Variants in FSTL5 observed in about 807,000 individuals in gnomAD.
FSTL5 encodes follistatin like 5, also known as follistatin-related protein 5.
A neutral mutation model predicts 89.1 loss-of-function variants in FSTL5; 62 were observed. The observed-to-expected ratio is 0.70, with a 90% CI of 0.57 to 0.86. The LOEUF is 0.86. FSTL5 is among the 40% of genes least tolerant of loss of function. FSTL5 has a pLI of 0.00. For missense variants in FSTL5, 1,057 were observed against 1,001.6 expected, an observed-to-expected ratio of 1.06 and a Z score of -0.75; for synonymous variants, 383 against 346.2, an observed-to-expected ratio of 1.11 and a Z score of -1.18.
intron 12 of FSTL5, among the ~76,000 whole-genome samples, chr4:161,482,894 T>A (rs552373739): frequency 1.8e-4 from 27 of 151,278 alleles, no homozygotes; most frequent in African/African-American, 5.9e-4. Context: ...ACAATAGTGT[T>A]CTCTTCTAAA....
intron 4 of FSTL5, among the ~76,000 whole-genome samples, chr4:161,894,991 T>C (rs891657273): frequency 1.3e-5 from 2 of 152,234 alleles, no homozygotes; most frequent in Non-Finnish European, 2.9e-5. Flanking sequence ...CTACTTATTA[T>C]GTCTCAGGTA....
intron 13 of FSTL5, among the ~76,000 whole-genome samples, chr4:161,465,820 G>T (rs889772885): frequency 7.2e-5 from 11 of 152,124 alleles, no homozygotes; most frequent in African/African-American, 2.7e-4. Flanking sequence ...AAGAAAAGTT[G>T]TTCACACTGT....
At chr4:161,922,473 C>T (rs1734019015) in intron 3 of FSTL5, among the ~76,000 whole-genome samples, 1 of 151,808 alleles carries the variant, frequency 6.6e-6, no homozygotes, top group Non-Finnish European at 1.5e-5. Flanking sequence ...TGCAGTAGTT[C>T]TTGAATTTTG....
intron 1 of FSTL5, among the ~76,000 whole-genome samples, chr4:162,121,781 A>C (rs1263054178): frequency 6.6e-6 from 1 of 152,056 alleles, no homozygotes; most frequent in Admixed American, 6.5e-5. Context: ...ATTTATACAC[A>C]AATTTTCTTC....
At chr4:162,098,167 T>G (rs1730839723) in intron 2 of FSTL5, among the ~76,000 whole-genome samples, 1 of 151,992 alleles carries the variant, frequency 6.6e-6, no homozygotes, top group Non-Finnish European at 1.5e-5. Flanking sequence ...ATAATCAAAA[T>G]AGCATAGATG....
chr4:161,550,557 TTTTATTTA>T (rs35953683), intron 8 of FSTL5, among the ~76,000 whole-genome samples: 79,012 of 142,100 alleles, frequency 0.56, 21,645 homozygotes, highest in Middle Eastern at 0.64. Context: ...GTAACTTCTT[TTTTATTTA>T]TTTATTTATT....
At chr4:161,741,741 G>A (rs1014652733) in intron 6 of FSTL5, among the ~76,000 whole-genome samples, 1 of 144,696 alleles carries the variant, frequency 6.9e-6, no homozygotes, top group Non-Finnish European at 1.5e-5. Flanking sequence ...AGGCTGGAAC[G>A]CAGTGGCACG....
chr4:161,964,443 G>T (rs1189157561), intron 3 of FSTL5, among the ~76,000 whole-genome samples: 2 of 152,020 alleles, frequency 1.3e-5, no homozygotes, highest in African/African-American at 4.8e-5. Flanking sequence ...ATCACATAGT[G>T]CAATGAGGCT....
At chr4:161,568,028 C>G (rs1229165457) in intron 8 of FSTL5, among the ~76,000 whole-genome samples, 1 of 151,630 alleles carries the variant, frequency 6.6e-6, no homozygotes, top group East Asian at 1.9e-4. Context: ...ATTCTGCTCT[C>G]TTGGCAATAC....
chr4:161,515,203 G>A (rs930211433), intron 10 of FSTL5, among the ~76,000 whole-genome samples: 3 of 151,652 alleles, frequency 2.0e-5, no homozygotes, highest in Non-Finnish European at 4.4e-5. Flanking sequence ...CTTTTTGTTT[G>A]TTTCTTTGTT....
intron 1 of FSTL5, among the ~76,000 whole-genome samples, chr4:162,159,534 A>AT (rs1351898448): frequency 1.3e-5 from 2 of 152,182 alleles, no homozygotes; most frequent in East Asian, 3.9e-4. Context: ...TAATTACTTG[A>AT]TTTTAAACCA....
chr4:161,558,169 T>C (rs1178582223), intron 8 of FSTL5, among the ~76,000 whole-genome samples: 1 of 151,872 alleles, frequency 6.6e-6, no homozygotes, highest in Non-Finnish European at 1.5e-5. Flanking sequence ...TATGACTCCA[T>C]TTATATAATA....
chr4:161,872,137 TTTGG>T (rs1732286088), intron 4 of FSTL5, among the ~76,000 whole-genome samples: 2 of 48,186 alleles, frequency 4.2e-5, no homozygotes, highest in African/African-American at 8.9e-5. Flanking sequence ...TGTTTTTTTT[TTTGG>T]TTTTTTTTTT....
At chr4:161,840,056 G>A (rs2126870832) in intron 4 of FSTL5, among the ~76,000 whole-genome samples, 1 of 152,274 alleles carries the variant, frequency 6.6e-6, no homozygotes, top group Admixed American at 6.5e-5. Context: ...GGAGATTATA[G>A]ATTTTTAATA....
chr4:161,628,881 G>C (rs1735402432), intron 7 of FSTL5, among the ~76,000 whole-genome samples: 1 of 152,080 alleles, frequency 6.6e-6, no homozygotes, highest in South Asian at 2.1e-4. Context: ...AATAATAAAG[G>C]TCTGTATATT....
chr4:161,634,416 A>G (rs1025130354), intron 7 of FSTL5, among the ~76,000 whole-genome samples: 1 of 152,230 alleles, frequency 6.6e-6, no homozygotes, highest in African/African-American at 2.4e-5. Flanking sequence ...TGAAATCAGT[A>G]TCTTGACAAG....
chr4:161,699,199 T>G (rs1032328537), intron 6 of FSTL5, among the ~76,000 whole-genome samples: 9 of 152,210 alleles, frequency 5.9e-5, no homozygotes, highest in East Asian at 1.9e-4. Context: ...CTCTAAAATT[T>G]TGAAATTTAC....
chr4:161,833,529 G>T (rs1730921441), intron 4 of FSTL5, among the ~76,000 whole-genome samples: 1 of 137,408 alleles, frequency 7.3e-6, no homozygotes, highest in African/African-American at 2.7e-5. Flanking sequence ...TCTCTTTGTA[G>T]GTCACTCAGG....
intron 4 of FSTL5, among the ~76,000 whole-genome samples, chr4:161,854,656 T>C (rs1294859426): frequency 2.0e-5 from 3 of 152,102 alleles, no homozygotes; most frequent in Admixed American, 6.6e-5. Context: ...AATAAATAAG[T>C]TAGGTTAAAC....
Sources: allele counts gnomAD v4.1 joint callset (sites outside exome capture counted in the v4.1 genomes callset), GRCh38; gene constraint gnomAD v4.1.1; transcripts MANE v1.5; gene names NCBI Gene and HGNC (gene_info 2026-07-23, HGNC 2026-07-21).